The following PTPRM variants were observed in gnomAD, a reference collection of about 807,000 sequenced individuals.
PTPRM encodes protein tyrosine phosphatase receptor type M.
PTPRM carries 47 observed loss-of-function variants against 186.7 expected under a neutral mutation model. That is an observed-to-expected ratio of 0.25 (90% CI 0.20 to 0.32). The LOEUF (loss-of-function observed/expected upper bound fraction) is 0.32. Ranked by LOEUF, PTPRM falls within the 10% of genes least tolerant of loss-of-function variation. The pLI is 1.00. For synonymous variants in PTPRM, 668 were observed against 674.9 expected (o/e 0.99, Z 0.16); for missense variants, 1,494 against 1,865.0 (o/e 0.80, Z 3.66).
At position 8,309,773 on chromosome 18, in the gene PTPRM, A is replaced by G. The variant is rs927420539; in HGVS notation, c.2843-5008A>G. Among the ~76,000 whole-genome samples the G allele has an allele frequency of 9.2e-5, 14 of 152,324 alleles. No homozygotes were observed. The South Asian group carries it at 1.2e-3, about 14-fold the overall frequency. ...GGTCTTGAACTCCTGAGCTCAAGCT[A>G]TCCTCCTGCCTCGGCCTCCCAAGTA... On this transcript the variant is annotated intron_variant, in intron 20 of 32. Coordinates refer to ENST00000580170, the MANE Select transcript of PTPRM (RefSeq NM_001105244.2).
At chr18:8,179,476 TC>T (rs2093541019) in intron 14 of PTPRM, among the ~76,000 whole-genome samples, 2 of 151,602 alleles carry the variant, frequency 1.3e-5, no homozygotes. Flanking sequence ...TTTTTTCTTT[TC>T]TTTTTTTTTT....
chr18:8,066,538 C>T (rs1364849564), intron 7 of PTPRM, among the ~76,000 whole-genome samples: 1 of 152,138 alleles, frequency 6.6e-6, no homozygotes, highest in Non-Finnish European at 1.5e-5. Flanking sequence ...GTGACCCTTC[C>T]TACCCCCATT....
chr18:7,966,880 G>A (rs1458088577), intron 7 of PTPRM, among the ~76,000 whole-genome samples: 3 of 127,222 alleles, frequency 2.4e-5, no homozygotes, highest in Non-Finnish European at 5.6e-5. Flanking sequence ...GGCTGGGGGA[G>A]GGGCGCCCAC....
intron 7 of PTPRM, among the ~76,000 whole-genome samples, chr18:7,979,640 A>C (rs2082439130): frequency 1.3e-5 from 2 of 152,146 alleles, no homozygotes; most frequent in African/African-American, 4.8e-5. Context: ...AGGAAACGAC[A>C]TCGTTTTTAA....
intron 22 of PTPRM, among the ~76,000 whole-genome samples, chr18:8,338,899 A>T (rs934482086): frequency 4.6e-5 from 7 of 152,328 alleles, no homozygotes; most frequent in African/African-American, 1.7e-4. Flanking sequence ...TAGAAATTCA[A>T]ATGTGAAAAG....
intron 14 of PTPRM, among the ~76,000 whole-genome samples, chr18:8,210,144 C>G (rs1254558400): frequency 5.3e-5 from 8 of 151,990 alleles, no homozygotes; most frequent in Admixed American, 5.2e-4. Context: ...AATCCTGTCT[C>G]CACTAAAAAT....
intron 1 of PTPRM, among the ~76,000 whole-genome samples, chr18:7,742,399 C>T (rs1393864890): frequency 1.3e-5 from 2 of 152,218 alleles, no homozygotes; most frequent in Admixed American, 6.5e-5. Flanking sequence ...AGTTGATGCA[C>T]TGGATTTTTC....
chr18:7,683,459 C>T (rs1231366174), intron 1 of PTPRM, among the ~76,000 whole-genome samples: 2 of 152,320 alleles, frequency 1.3e-5, no homozygotes, highest in Middle Eastern at 3.4e-3. Context: ...AGGCGTGAGC[C>T]ACTGTGCCCA....
At chr18:7,688,713 TC>T (rs1425980951) in intron 1 of PTPRM, among the ~76,000 whole-genome samples, 1 of 152,202 alleles carries the variant, frequency 6.6e-6, no homozygotes, top group Admixed American at 6.5e-5. Flanking sequence ...CTGGCATCTC[TC>T]ATCCCGTGCG....
chr18:8,211,553 G>T (rs190325874), intron 14 of PTPRM, among the ~76,000 whole-genome samples: 3 of 151,042 alleles, frequency 2.0e-5, no homozygotes, highest in Non-Finnish European at 3.0e-5. Context: ...ACAGGCACCC[G>T]CCACCACCCC....
chr18:7,751,489 G>C (rs1246758917), intron 1 of PTPRM: 1 of 152,060 alleles, frequency 6.6e-6, no homozygotes, highest in African/African-American at 2.4e-5. Context: ...CATGTCCTGG[G>C]GTCTTGAGTC....
At chr18:8,309,565 G>A (rs1403182921) in intron 20 of PTPRM, among the ~76,000 whole-genome samples, 2 of 152,154 alleles carry the variant, frequency 1.3e-5, no homozygotes, top group African/African-American at 4.8e-5. Flanking sequence ...CCAGGCAAGT[G>A]CAGTGGTGTA....
At chr18:7,943,075 T>C (rs1277819407) in intron 5 of PTPRM, among the ~76,000 whole-genome samples, 1 of 151,842 alleles carries the variant, frequency 6.6e-6, no homozygotes, top group East Asian at 1.9e-4. Flanking sequence ...GTTGGGTCAT[T>C]TGGCCTTTCG....
intron 1 of PTPRM, among the ~76,000 whole-genome samples, chr18:7,628,625 T>G (rs1469479226): frequency 6.6e-6 from 1 of 152,216 alleles, no homozygotes; most frequent in Non-Finnish European, 1.5e-5. Flanking sequence ...TTCATCTTTT[T>G]TTTACTATAT....
intron 7 of PTPRM, among the ~76,000 whole-genome samples, chr18:8,028,921 A>G (rs895030119): frequency 2.0e-5 from 3 of 152,182 alleles, no homozygotes; most frequent in African/African-American, 7.2e-5. Context: ...ATGACTTTTA[A>G]TTTATACTCT....
rs150600611 is a variant in PTPRM at position 7,804,070 on chromosome 18, G to A, written c.196+29799G>A. The stretch of plus-strand genomic sequence containing the variant: ...CAAGAGGATTTACTGGTTTATGTAA[G>A]TGAAAATTCCAAAGGTACTCCCTTA... On this transcript the variant is annotated intron_variant, in intron 2 of 32. Transcript: ENST00000580170. Among the ~76,000 whole-genome samples, 733 of 152,310 alleles carry A rather than the reference G, an allele frequency of 4.8e-3. 10 individuals carry two copies. The highest frequency in any genetic ancestry group is 0.016 in the African/African-American group (675 of 41,570).
At chr18:7,974,018 G>A (rs1377751197) in intron 7 of PTPRM, among the ~76,000 whole-genome samples, 1 of 151,608 alleles carries the variant, frequency 6.6e-6, no homozygotes, top group Non-Finnish European at 1.5e-5. Flanking sequence ...GAGCCTTCTG[G>A]GGACAGTTCC....
intron 1 of PTPRM, among the ~76,000 whole-genome samples, chr18:7,652,766 G>A (rs1418236885): frequency 2.6e-5 from 3 of 116,082 alleles, no homozygotes; most frequent in African/African-American, 9.7e-5. Context: ...GGTGGGGGGA[G>A]GGGGGAGGGA....
rs544657747 is a variant in PTPRM, at chr18:8,036,256, G to T, written c.1133-33430G>T. On this transcript the variant is annotated intron_variant, in intron 7 of 32. Transcript: ENST00000580170. The stretch of plus-strand genomic sequence containing the variant: ...TCAAGGAGGCTGTTCTGGCACAATA[G>T]AAAATGTTCTACACTCTGATTTGTC... 3.3e-5 allele frequency among the ~76,000 whole-genome samples: 5 copies of T among 152,348 alleles called. No individual in the cohort carries two copies. In the East Asian group the frequency reaches 9.6e-4, roughly 29 times the overall value.
Sources: gnomAD v4.1 joint callset for allele counts (sites outside exome capture counted in the v4.1 genomes callset) on GRCh38, gnomAD v4.1.1 for gene constraint, MANE v1.5 for transcripts, NCBI Gene and HGNC (gene_info 2026-07-23, HGNC 2026-07-21) for gene names.